Variants in TIAM1 observed in about 807,000 individuals in gnomAD.
TIAM1 encodes rho guanine nucleotide exchange factor TIAM1.
In TIAM1, 65 loss-of-function variants were observed where a neutral mutation model predicts 163.5. The ratio of observed to expected loss-of-function variants is 0.40; its 90% CI spans 0.33 to 0.49. The LOEUF (loss-of-function observed/expected upper bound fraction) is 0.49, where lower values mean the gene tolerates loss of function less well. TIAM1 is among the 20% of genes least tolerant of loss of function. TIAM1 has a pLI of 0.77. For synonymous variants in TIAM1, 833 were observed against 810.1 expected, an observed-to-expected ratio of 1.03 and a Z score of -0.48; for missense variants, 1,789 against 2,044.7, an observed-to-expected ratio of 0.87 and a Z score of 2.41.
chr21:31,171,818 G>A (rs571095239), intron 15 of TIAM1, among the ~76,000 whole-genome samples: 2 of 152,172 alleles, frequency 1.3e-5, no homozygotes, highest in African/African-American at 2.4e-5. Flanking sequence ...GGAACTCTGA[G>A]CCCACCATAC....
At chr21:31,179,233 A>C (rs1407800647) in intron 15 of TIAM1, among the ~76,000 whole-genome samples, 3 of 151,676 alleles carry the variant, frequency 2.0e-5, no homozygotes, top group South Asian at 4.2e-4. Flanking sequence ...CTAAAAACAC[A>C]AAAATTAGCC....
chr21:31,135,853 G>C, intron 23 of TIAM1, 80 bp downstream of exon 23: 2 of 1,294,942 alleles, frequency 1.5e-6, no homozygotes, highest in South Asian at 2.4e-5. Flanking sequence ...TAATCAATTG[G>C]GTCTTGAAAA....
At chr21:31,136,079 G>A (rs773819583) in intron 22 of TIAM1, 38 bp from the exon 23 acceptor site, 3 of 1,536,244 alleles carry the variant, frequency 2.0e-6, no homozygotes, top group Admixed American at 1.7e-5. Context: ...ACTGGGTGGT[G>A]TTATCAATAC....
At chr21:31,312,930 G>C (rs968094949) in intron 2 of TIAM1, among the ~76,000 whole-genome samples, 11 of 152,186 alleles carry the variant, frequency 7.2e-5, no homozygotes, top group Middle Eastern at 3.2e-3. Flanking sequence ...TGTGTGCCAG[G>C]GGGCATCCTT....
intron 2 of TIAM1, among the ~76,000 whole-genome samples, chr21:31,421,614 T>C (rs2043576297): frequency 6.6e-6 from 1 of 152,186 alleles, no homozygotes; most frequent in African/African-American, 2.4e-5. Flanking sequence ...TTCTGAAACC[T>C]TGGGTCCGTG....
At chr21:31,322,937 T>G (rs2075364658) in intron 2 of TIAM1, among the ~76,000 whole-genome samples, 2 of 152,194 alleles carry the variant, frequency 1.3e-5, no homozygotes, top group Non-Finnish European at 2.9e-5. Flanking sequence ...ACTCGGTTCC[T>G]TGGTGGAGTC....
chr21:31,403,294 C>G (rs187754746), intron 2 of TIAM1, among the ~76,000 whole-genome samples: 145 of 152,170 alleles, frequency 9.5e-4, no homozygotes, highest in African/African-American at 3.3e-3. Flanking sequence ...ACTACAGACG[C>G]GTGCCACCAC....
At chr21:31,289,005 T>C (rs2146906372) in intron 2 of TIAM1, among the ~76,000 whole-genome samples, 1 of 152,316 alleles carries the variant, frequency 6.6e-6, no homozygotes, top group South Asian at 2.1e-4. Flanking sequence ...TTAAATAAGA[T>C]CACTGAATGC....
rs1286526577 is a variant in TIAM1, at chr21:31,120,278, A to G, written c.*90T>C. The G allele has an allele frequency of 1.4e-5, 18 of 1,332,312 alleles. No individual in the cohort carries two copies. The highest frequency in any genetic ancestry group is 1.6e-5 in the Non-Finnish European group (16 of 981,688). 82.5% of individuals were successfully genotyped at this position (1,332,312 alleles called of 1,614,324 possible). On this transcript the variant is annotated 3_prime_UTR_variant, in exon 28 of 28. Transcript: ENST00000541036. The surrounding 1 kb of genome is among the most constrained non-coding windows in gnomAD (Gnocchi z 4.2). The stretch of plus-strand genomic sequence containing the variant: ...AACCGTGTGTGCAAGAGCGCGACCT[A>G]AGGGGACATTCTTGTCGACGGTACA...
chr21:31,295,284 C>A (rs1286488336), intron 2 of TIAM1, among the ~76,000 whole-genome samples: 1 of 152,072 alleles, frequency 6.6e-6, no homozygotes, highest in Non-Finnish European at 1.5e-5. Context: ...TCCCGGCTAA[C>A]ACGGTGAAAC....
At position 31,506,583 on chromosome 21, in the gene TIAM1, T is replaced by C. The variant is rs182223109; in HGVS notation, c.-421-42548A>G. On this transcript the variant is annotated intron_variant, in intron 1 of 28. Coordinates refer to the TIAM1 transcript ENST00000286827. The stretch of plus-strand genomic sequence containing the variant: ...GTCTGGCTAATTTTACTTAACGTAA[T>C]GTCTTCAAGATTCATCCATGTTGTA... 2.0e-4 allele frequency among the ~76,000 whole-genome samples: 30 copies of C among 152,344 alleles called. 1 individual carries two copies. Among genetic ancestry groups the C allele is most frequent in the Admixed American group, 1.7e-3 (26 of 15,308 alleles).
At chr21:31,546,580 GA>G (rs2048501261) in intron 1 of TIAM1, among the ~76,000 whole-genome samples, 1 of 150,150 alleles carries the variant, frequency 6.7e-6, no homozygotes, top group African/African-American at 2.4e-5. Context: ...AAGAAAGAAA[GA>G]AAGAAACCAG....
chr21:31,124,200 G>A (rs780319381), intron 27 of TIAM1: 6 of 253,780 alleles, frequency 2.4e-5, no homozygotes, highest in South Asian at 1.2e-4. Flanking sequence ...TCTGCAAGCA[G>A]GCTGAGACAG....
chr21:31,471,786 T>C (rs2045748860), intron 1 of TIAM1, among the ~76,000 whole-genome samples: 1 of 151,960 alleles, frequency 6.6e-6, no homozygotes, highest in Non-Finnish European at 1.5e-5. Flanking sequence ...GGAGAATCAC[T>C]TAAACCCAGG....
chr21:31,164,831 C>A, intron 16 of TIAM1, 131 bp downstream of exon 16: 1 of 831,470 alleles, frequency 1.2e-6, no homozygotes, highest in Admixed American at 2.4e-5. Flanking sequence ...TGCTATTCAG[C>A]AACATCTCAG....
At chr21:31,558,454 G>A (rs1254163871) in intron 1 of TIAM1, among the ~76,000 whole-genome samples, 3 of 152,272 alleles carry the variant, frequency 2.0e-5, no homozygotes, top group African/African-American at 7.2e-5. Flanking sequence ...CGAAAAGCCA[G>A]GCCCGGAGGT....
Position 31,257,332 on chromosome 21 carries a change from G to T in TIAM1, c.964-5143C>A, listed in dbSNP as rs149617611. ...ACTCACAATTTCAGCTACAAGCATT[G>T]GAACCAAAATTCCTACTGTTACTAA... On this transcript the variant is annotated intron_variant, in intron 4 of 27. Coordinates refer to ENST00000541036, the MANE Select transcript of TIAM1 (RefSeq NM_001353694.2). 1.2e-4 allele frequency among the ~76,000 whole-genome samples: 18 copies of T among 152,174 alleles called. No individual in the cohort carries two copies. In the East Asian group the frequency reaches 3.5e-3, roughly 29 times the overall value.
chr21:31,399,393 G>A (rs1005480962), intron 2 of TIAM1, among the ~76,000 whole-genome samples: 2 of 151,984 alleles, frequency 1.3e-5, no homozygotes, highest in Middle Eastern at 3.4e-3. Context: ...ATAAATTAAC[G>A]TTTAGGTCAA....
intron 25 of TIAM1, 29 bp downstream of exon 25, chr21:31,130,184 T>G: frequency 2.3e-5 from 36 of 1,583,556 alleles, no homozygotes; most frequent in Middle Eastern, 1.7e-4. Flanking sequence ...AATATGTGTG[T>G]GAAATACCCA....
Sources: allele counts gnomAD v4.1 joint callset (sites outside exome capture counted in the v4.1 genomes callset), GRCh38; gene constraint gnomAD v4.1.1; non-coding constraint Gnocchi (gnomAD v3.1); transcripts MANE v1.5; gene names NCBI Gene and HGNC (gene_info 2026-07-23, HGNC 2026-07-21).